The following BMERB1 variants were observed in gnomAD, a reference collection of about 807,000 sequenced individuals.
The protein encoded by BMERB1 is bMERB domain containing 1, also known as bMERB domain-containing protein 1.
BMERB1 carries 12 observed loss-of-function variants against 23.6 expected under a neutral mutation model. The ratio of observed to expected loss-of-function variants is 0.51; its 90% CI spans 0.33 to 0.82. The LOEUF (loss-of-function observed/expected upper bound fraction) is 0.82. Among genes scored for constraint, BMERB1 ranks in the 40% least tolerant of loss-of-function variants. The pLI is 0.03. For missense variants in BMERB1, 247 were observed against 255.4 expected, an observed-to-expected ratio of 0.97 and a Z score of 0.22; for synonymous variants, 122 against 96.6, an observed-to-expected ratio of 1.26 and a Z score of -1.54.
chr16:15,586,450 G>C (rs1213139109), intron 5 of BMERB1, among the ~76,000 whole-genome samples: 1 of 152,168 alleles, frequency 6.6e-6, no homozygotes, highest in Non-Finnish European at 1.5e-5. Context: ...GTACAATGAT[G>C]ATAACAGCTG....
chr16:15,458,407 G>C (rs1270954567), intron 1 of BMERB1, among the ~76,000 whole-genome samples: 1 of 152,112 alleles, frequency 6.6e-6, no homozygotes, highest in African/African-American at 2.4e-5. Context: ...TAAAATAAGT[G>C]ATTGGATTCA....
chr16:15,518,643 C>A (rs2051806884), intron 2 of BMERB1, among the ~76,000 whole-genome samples: 1 of 152,288 alleles, frequency 6.6e-6, no homozygotes, highest in Non-Finnish European at 1.5e-5. Flanking sequence ...TGGGGCTTAT[C>A]CTGTGAGTGT....
At chr16:15,546,242 C>G (rs573499113) in intron 2 of BMERB1, among the ~76,000 whole-genome samples, 39 of 152,268 alleles carry the variant, frequency 2.6e-4, no homozygotes, top group Non-Finnish European at 3.8e-4. Context: ...GAGCCATGAT[C>G]AAGCAACTGC....
intron 2 of BMERB1, among the ~76,000 whole-genome samples, chr16:15,556,248 A>G (rs2030254958): frequency 6.6e-6 from 1 of 152,012 alleles, no homozygotes; most frequent in Non-Finnish European, 1.5e-5. Context: ...GAGATAGTCC[A>G]GGAGAGTCTC....
intron 5 of BMERB1, chr16:15,584,252 C>CT: frequency 1.9e-6 from 1 of 518,964 alleles, no homozygotes; most frequent in Non-Finnish European, 3.4e-6. Context: ...AGTGAGGCCT[C>CT]TTTCAGTTAG....
chr16:15,563,076 G>A (rs947818870), intron 2 of BMERB1, among the ~76,000 whole-genome samples: 2 of 152,040 alleles, frequency 1.3e-5, no homozygotes, highest in South Asian at 2.1e-4. Flanking sequence ...GTCTGTTCTC[G>A]CATTTCTATA....
At chr16:15,541,604 T>A (rs1263817353) in intron 2 of BMERB1, among the ~76,000 whole-genome samples, 2 of 145,622 alleles carry the variant, frequency 1.4e-5, no homozygotes, top group East Asian at 2.0e-4. Context: ...TTTTAATTTT[T>A]TTTTTTTTTT....
intron 1 of BMERB1, among the ~76,000 whole-genome samples, chr16:15,480,845 G>GT (rs1177131639): frequency 6.6e-6 from 1 of 151,220 alleles, no homozygotes; most frequent in Non-Finnish European, 1.5e-5. Flanking sequence ...ATCTCTTGAC[G>GT]TCAAGATCCA....
At chr16:15,508,180 A>G (rs1178548494) in intron 1 of BMERB1, among the ~76,000 whole-genome samples, 2 of 152,180 alleles carry the variant, frequency 1.3e-5, no homozygotes, top group Non-Finnish European at 2.9e-5. Context: ...TGAGAATCAG[A>G]TAAGGTAATG....
chr16:15,520,509 T>G (rs1401016108), intron 2 of BMERB1, among the ~76,000 whole-genome samples: 2 of 141,236 alleles, frequency 1.4e-5, no homozygotes, highest in Non-Finnish European at 3.0e-5. Flanking sequence ...GAGACAAGAG[T>G]CTCGATCTGC....
At chr16:15,517,156 A>G (rs2051771187) in intron 2 of BMERB1, among the ~76,000 whole-genome samples, 1 of 152,240 alleles carries the variant, frequency 6.6e-6, no homozygotes, top group Non-Finnish European at 1.5e-5. Flanking sequence ...TTGTCTGGAA[A>G]TAAGCTAAAA....
intron 1 of BMERB1, among the ~76,000 whole-genome samples, chr16:15,474,668 C>T (rs1324819002): frequency 2.6e-5 from 4 of 152,106 alleles, no homozygotes; most frequent in Non-Finnish European, 5.9e-5. Flanking sequence ...TCATGAGCCA[C>T]TGTGCCTGGC....
At chr16:15,554,788 T>C (rs1378865166) in intron 2 of BMERB1, among the ~76,000 whole-genome samples, 1 of 150,590 alleles carries the variant, frequency 6.6e-6, no homozygotes, top group African/African-American at 2.4e-5. Context: ...TGCCTCAGCC[T>C]CCCAAGTAGC....
intron 3 of BMERB1, among the ~76,000 whole-genome samples, chr16:15,576,161 A>G (rs2030853311): frequency 6.6e-6 from 1 of 151,182 alleles, no homozygotes; most frequent in Non-Finnish European, 1.5e-5. Context: ...CTCCTGCCTC[A>G]GCCTCCTGAG....
At chr16:15,534,478 C>T (rs1248531302) in intron 2 of BMERB1, among the ~76,000 whole-genome samples, 7 of 151,630 alleles carry the variant, frequency 4.6e-5, no homozygotes, top group African/African-American at 1.5e-4. Context: ...CCCTTGAACC[C>T]GGGAGGAAGA....
chr16:15,515,530 G>A (rs2051739778), intron 2 of BMERB1, 102 bp downstream of exon 2: 13 of 1,429,228 alleles, frequency 9.1e-6, no homozygotes, highest in Admixed American at 2.8e-5. Flanking sequence ...CTGAGATAAA[G>A]GCATTATGCA....
At chr16:15,476,216 G>A (rs2051273847) in intron 1 of BMERB1, among the ~76,000 whole-genome samples, 1 of 144,326 alleles carries the variant, frequency 6.9e-6, no homozygotes, top group Admixed American at 7.3e-5. Flanking sequence ...AAGCTGGAGT[G>A]CAGTGGCGTG....
intron 1 of BMERB1, among the ~76,000 whole-genome samples, chr16:15,459,163 G>A (rs1188248846): frequency 6.6e-6 from 1 of 151,734 alleles, no homozygotes; most frequent in East Asian, 1.9e-4. Flanking sequence ...AATTAAAATG[G>A]CACACTGGAA....
chr16:15,484,625 C>T (rs1163511439), intron 1 of BMERB1, among the ~76,000 whole-genome samples: 2 of 152,204 alleles, frequency 1.3e-5, no homozygotes, highest in Non-Finnish European at 2.9e-5. Flanking sequence ...TGGTCTCGAG[C>T]TCCTGACCTC....
Sources: gnomAD v4.1 joint callset for allele counts (sites outside exome capture counted in the v4.1 genomes callset) on GRCh38, gnomAD v4.1.1 for gene constraint, MANE v1.5 for transcripts, NCBI Gene and HGNC (gene_info 2026-07-23, HGNC 2026-07-21) for gene names.